The following FYN variants were observed in gnomAD, a reference collection of about 807,000 sequenced individuals.
FYN encodes the protein FYN proto-oncogene, Src family tyrosine kinase, also known as tyrosine-protein kinase Fyn.
FYN carries 10 observed loss-of-function variants against 70.2 expected under a neutral mutation model. The ratio of observed to expected loss-of-function variants is 0.14; its 90% CI spans 0.09 to 0.24. The LOEUF is 0.24. Among genes scored for constraint, FYN ranks in the 10% least tolerant of loss-of-function variants. The pLI is 1.00. For synonymous variants in FYN, 236 were observed against 248.6 expected (o/e 0.95, Z 0.48); for missense variants, 319 against 673.1 (o/e 0.47, Z 5.82).
chr6:111,865,461 A>G (rs1233879766), intron 1 of FYN, among the ~76,000 whole-genome samples: 2 of 152,224 alleles, frequency 1.3e-5, no homozygotes, highest in Non-Finnish European at 2.9e-5. Flanking sequence ...CGTTTTTATT[A>G]GACCATAAAT....
At chr6:111,728,985 A>G (rs1464098223) in intron 3 of FYN, among the ~76,000 whole-genome samples, 3 of 152,232 alleles carry the variant, frequency 2.0e-5, no homozygotes, top group Non-Finnish European at 4.4e-5. Context: ...TTTGGTAGTA[A>G]TCAGAGAAAT....
At chr6:111,799,282 ATG>A (rs576821829) in intron 2 of FYN, among the ~76,000 whole-genome samples, 76 of 152,348 alleles carry the variant, frequency 5.0e-4, no homozygotes, top group African/African-American at 1.8e-3. Flanking sequence ...TCAGAAGTAA[ATG>A]TGCAGATATA....
At chr6:111,690,817 T>C (rs1301098444) in intron 12 of FYN, among the ~76,000 whole-genome samples, 1 of 152,180 alleles carries the variant, frequency 6.6e-6, no homozygotes, top group African/African-American at 2.4e-5. Flanking sequence ...GAACATCAGG[T>C]GGTAGCGCTG....
intron 2 of FYN, among the ~76,000 whole-genome samples, chr6:111,827,513 T>C (rs1772873817): frequency 6.6e-6 from 1 of 152,208 alleles, no homozygotes. Context: ...TGTTCAATCA[T>C]GTAATGCCCC....
At chr6:111,726,276 G>A (rs1236999660) in intron 3 of FYN, among the ~76,000 whole-genome samples, 1 of 152,226 alleles carries the variant, frequency 6.6e-6, no homozygotes, top group African/African-American at 2.4e-5. Context: ...TTGTTAGGCA[G>A]CAGCAGAAAA....
At chr6:111,716,513 C>T (rs924656877) in intron 4 of FYN, among the ~76,000 whole-genome samples, 7 of 152,096 alleles carry the variant, frequency 4.6e-5, no homozygotes, top group African/African-American at 1.4e-4. Flanking sequence ...ACCTGGGTCT[C>T]CCACTAGTTG....
Position 111,860,679 on chromosome 6 carries a change from C to G in FYN, c.-123+12289G>C, listed in dbSNP as rs535230411. On this transcript the variant is annotated intron_variant, in intron 1 of 13. Coordinates refer to ENST00000354650, the MANE Select transcript of FYN (RefSeq NM_002037.5). ...TACTTAACAAATAAATTAACCAGAA[C>G]CTGTCCCTTTCCCAGGAGCTGCTGG... Among the ~76,000 whole-genome samples the G allele has an allele frequency of 3.9e-5, 6 of 152,288 alleles. No homozygotes were observed. The South Asian group carries it at 8.3e-4, about 21-fold the overall frequency.
intron 1 of FYN, among the ~76,000 whole-genome samples, chr6:111,852,929 T>C (rs540514861): frequency 6.6e-5 from 10 of 152,160 alleles, no homozygotes; most frequent in South Asian, 2.1e-4. Context: ...AATTGAACAG[T>C]AGCACGTTCC....
At chr6:111,749,149 A>G (rs1229680954) in intron 3 of FYN, among the ~76,000 whole-genome samples, 1 of 152,192 alleles carries the variant, frequency 6.6e-6, no homozygotes, top group African/African-American at 2.4e-5. Context: ...TAGTGCTGAC[A>G]TTTGGAATCT....
At position 111,699,567 on chromosome 6, in the gene FYN, C is replaced by G. The variant is rs139313518; in HGVS notation, c.862+537G>C. The G allele has an allele frequency of 1.9e-5, 30 of 1,614,114 alleles. No individual in the cohort carries two copies. In the East Asian group the frequency reaches 3.1e-4, roughly 17 times the overall value. The stretch of plus-strand genomic sequence containing the variant: ...GACCCAGCTTCTTCTCCAGACACAA[C>G]GAACGACGTGCAACTTCCCAAGCAT... On this transcript the variant is annotated intron_variant, in intron 9 of 13. Coordinates refer to ENST00000354650, the MANE Select transcript of FYN (RefSeq NM_002037.5).
At chr6:111,813,062 T>C (rs1388529448) in intron 2 of FYN, among the ~76,000 whole-genome samples, 3 of 152,224 alleles carry the variant, frequency 2.0e-5, no homozygotes, top group Non-Finnish European at 4.4e-5. Flanking sequence ...GAGCATTTAC[T>C]ATGCTATTTA....
chr6:111,684,190 G>T (rs1317127440), intron 12 of FYN, among the ~76,000 whole-genome samples: 1 of 152,246 alleles, frequency 6.6e-6, no homozygotes, highest in Non-Finnish European at 1.5e-5. Context: ...GGGGATGTGA[G>T]TGGAGAAGGG....
chr6:111,836,012 G>T (rs1266081478), intron 2 of FYN, among the ~76,000 whole-genome samples: 1 of 152,242 alleles, frequency 6.6e-6, no homozygotes, highest in Non-Finnish European at 1.5e-5. Flanking sequence ...CACTGGTACA[G>T]TTAAAGGGCC....
At chr6:111,773,584 G>A (rs1583430733) in intron 3 of FYN, among the ~76,000 whole-genome samples, 1 of 76,072 alleles carries the variant, frequency 1.3e-5, no homozygotes, top group African/African-American at 5.7e-5. Context: ...GGGGGAGGGG[G>A]AGGGAAAGGG....
At chr6:111,748,290 A>T (rs1443224325) in intron 3 of FYN, among the ~76,000 whole-genome samples, 1 of 152,238 alleles carries the variant, frequency 6.6e-6, no homozygotes, top group African/African-American at 2.4e-5. Flanking sequence ...CATTATCCAC[A>T]GGAAACGGCT....
chr6:111,872,245 G>C (rs1280168437), intron 1 of FYN, among the ~76,000 whole-genome samples: 6 of 152,000 alleles, frequency 3.9e-5, no homozygotes, highest in Non-Finnish European at 5.9e-5. Context: ...AGATAACAGA[G>C]GGGAGGAGCC....
intron 1 of FYN, among the ~76,000 whole-genome samples, chr6:111,849,907 A>G (rs1237380486): frequency 6.6e-6 from 1 of 152,090 alleles, no homozygotes; most frequent in Non-Finnish European, 1.5e-5. Flanking sequence ...CTTTGTGCAG[A>G]GCCTGTTTCG....
intron 3 of FYN, among the ~76,000 whole-genome samples, chr6:111,768,253 G>T (rs900231601): frequency 6.6e-6 from 1 of 152,154 alleles, no homozygotes; most frequent in Non-Finnish European, 1.5e-5. Flanking sequence ...TGCTGTGTCT[G>T]GATGTATCTC....
chr6:111,752,024 T>C (rs1802512205), intron 3 of FYN, among the ~76,000 whole-genome samples: 1 of 152,238 alleles, frequency 6.6e-6, no homozygotes, highest in South Asian at 2.1e-4. Flanking sequence ...AAATTTATAA[T>C]ATAAACAAAT....
Sources: gnomAD v4.1 joint callset for allele counts (sites outside exome capture counted in the v4.1 genomes callset) on GRCh38, gnomAD v4.1.1 for gene constraint, MANE v1.5 for transcripts, NCBI Gene and HGNC (gene_info 2026-07-23, HGNC 2026-07-21) for gene names.